CIB3: variants seen among roughly 807,000 people sequenced by gnomAD.
The protein encoded by CIB3 is calcium and integrin binding family member 3.
CIB3 carries 22 observed loss-of-function variants against 23.4 expected under a neutral mutation model. That is an observed-to-expected ratio of 0.94 (90% CI 0.67 to 1.34). The LOEUF is 1.34. Ranked by LOEUF, CIB3 falls within the 40% of genes most tolerant of loss-of-function variation. The pLI, the probability that CIB3 is intolerant of heterozygous loss-of-function variation, is 0.00. For synonymous variants in CIB3, 93 were observed against 95.8 expected, an observed-to-expected ratio of 0.97 and a Z score of 0.17; for missense variants, 258 against 247.3, an observed-to-expected ratio of 1.04 and a Z score of -0.29.
At chr19:16,165,412 A>G (rs1168219329) in intron 4 of CIB3, among the ~76,000 whole-genome samples, 1 of 151,456 alleles carries the variant, frequency 6.6e-6, no homozygotes, top group Non-Finnish European at 1.5e-5. Flanking sequence ...TCATTCATTC[A>G]ACAAGTATTT....
At chr19:16,167,108 C>G (rs1351527492) in intron 4 of CIB3, among the ~76,000 whole-genome samples, 1 of 152,090 alleles carries the variant, frequency 6.6e-6, no homozygotes, top group African/African-American at 2.4e-5. Flanking sequence ...TCAATCTCAG[C>G]TACTCAGCAG....
intron 1 of CIB3, 91 bp from the exon 2 acceptor site, chr19:16,173,287 C>T (rs943115546): frequency 6.3e-6 from 10 of 1,591,446 alleles, no homozygotes; most frequent in Non-Finnish European, 8.6e-6. Flanking sequence ...ACACAGATGG[C>T]CTGATGCTGC....
At chr19:16,173,268 C>A in intron 1 of CIB3, 72 bp from the exon 2 acceptor site, 1 of 1,607,722 alleles carries the variant, frequency 6.2e-7, no homozygotes, top group Non-Finnish European at 8.5e-7. Flanking sequence ...CTCCCTCCAC[C>A]CCACACTCAC....
At chr19:16,172,445 G>A (rs554854175) in intron 2 of CIB3, among the ~76,000 whole-genome samples, 15 of 151,642 alleles carry the variant, frequency 9.9e-5, no homozygotes, top group African/African-American at 2.7e-4. Context: ...ATGAGCCACC[G>A]CGCCCAGCCT....
At chr19:16,166,195 G>T (rs2091305096) in intron 4 of CIB3, among the ~76,000 whole-genome samples, 1 of 152,172 alleles carries the variant, frequency 6.6e-6, no homozygotes, top group Admixed American at 6.5e-5. Flanking sequence ...GTAGGCTGAG[G>T]CAGGAGAATC....
chr19:16,162,390 C>T (rs1423111541), intron 5 of CIB3, among the ~76,000 whole-genome samples: 1 of 152,022 alleles, frequency 6.6e-6, no homozygotes, highest in East Asian at 1.9e-4. Flanking sequence ...TGTGCCACTG[C>T]ACTCCAGCCT....
intron 5 of CIB3, among the ~76,000 whole-genome samples, chr19:16,162,243 CAAAAA>C (rs79329568): frequency 3.8e-5 from 2 of 52,490 alleles, no homozygotes; most frequent in Non-Finnish European, 7.7e-5. Context: ...CTTGTCTCCA[CAAAAA>C]AAAAAAAAAA....
chr19:16,172,352 A>G (rs1017817729), intron 2 of CIB3, among the ~76,000 whole-genome samples: 6 of 151,994 alleles, frequency 3.9e-5, no homozygotes, highest in African/African-American at 1.4e-4. Flanking sequence ...ATGGGGTTTC[A>G]CCATGTTGGC....
At chr19:16,161,818 C>T (rs186453552) in intron 5 of CIB3, among the ~76,000 whole-genome samples, 1 of 151,194 alleles carries the variant, frequency 6.6e-6, no homozygotes, top group African/African-American at 2.4e-5. Flanking sequence ...GCTAGGATTA[C>T]AGGTGCATGA....
chr19:16,162,133 G>A (rs1190927863), intron 5 of CIB3, among the ~76,000 whole-genome samples: 2 of 151,036 alleles, frequency 1.3e-5, no homozygotes, highest in Non-Finnish European at 2.9e-5. Context: ...GTGGCCTGGT[G>A]CAGTGACTCA....
chr19:16,170,682 C>T (rs1179451226), intron 2 of CIB3, among the ~76,000 whole-genome samples: 2 of 151,706 alleles, frequency 1.3e-5, no homozygotes, highest in African/African-American at 2.4e-5. Flanking sequence ...ATTAGCTGGG[C>T]GTGGTGACGG....
chr19:16,168,251 A>C lies in CIB3; in HGVS notation c.232T>G (p.Phe78Val). 6.2e-7 allele frequency: 1 copy of C among 1,613,910 alleles called. No homozygotes were observed. Among genetic ancestry groups the C allele is most frequent in the Non-Finnish European group, 8.5e-7 (1 of 1,179,968 alleles). ...NPFRQRIAQV[F>V]SEDGDGHMTL... ...ATGTGGCCATCCCCATCCTCAGAGA[A>C]TACCTGGGCAATCCTCTGGCGGAAG... Residue 78 changes from phenylalanine (F) to valine (V), a missense_variant, in exon 4 of 6, where the codon TTC (phenylalanine) becomes GTC (valine). Physicochemically the swap from Phe to Val is conservative, Grantham distance 50. Transcript: ENST00000269878.
intron 1 of CIB3, 112 bp from the exon 2 acceptor site, chr19:16,173,308 G>A: frequency 1.9e-6 from 3 of 1,574,252 alleles, no homozygotes; most frequent in Non-Finnish European, 2.6e-6. Flanking sequence ...CACACACAGA[G>A]CAGAACCAGG....
chr19:16,173,333 G>A (rs2091338557), intron 1 of CIB3, 92 bp downstream of exon 1: 3 of 1,555,456 alleles, frequency 1.9e-6, no homozygotes, highest in South Asian at 2.2e-5. Context: ...CAGGCGGACG[G>A]TACACCCAGA....
intron 4 of CIB3, 43 bp downstream of exon 4, chr19:16,168,094 C>A: frequency 3.2e-6 from 5 of 1,567,204 alleles, no homozygotes; most frequent in Non-Finnish European, 3.5e-6. Context: ...TCCCACTCCC[C>A]ACCCCATCCC....
chr19:16,162,357 T>C (rs1386502936), intron 5 of CIB3, among the ~76,000 whole-genome samples: 1 of 149,534 alleles, frequency 6.7e-6, no homozygotes, highest in Admixed American at 6.7e-5. Context: ...GCCCAGGAGG[T>C]AGAGGCTGCA....
At chr19:16,165,518 A>C (rs2091302692) in intron 4 of CIB3, among the ~76,000 whole-genome samples, 2 of 150,820 alleles carry the variant, frequency 1.3e-5, no homozygotes, top group Non-Finnish European at 1.5e-5. Context: ...ATCTCGGCTC[A>C]CTGCAACCTC....
At chr19:16,161,708 T>A (rs12460542) in intron 5 of CIB3, among the ~76,000 whole-genome samples, 1 of 137,646 alleles carries the variant, frequency 7.3e-6, no homozygotes, top group African/African-American at 2.7e-5. Flanking sequence ...GATGGGGTCT[T>A]GCTCTGTCTC....
intron 4 of CIB3, among the ~76,000 whole-genome samples, chr19:16,167,921 G>A (rs149161000): frequency 1.2e-4 from 18 of 152,332 alleles, no homozygotes; most frequent in African/African-American, 4.1e-4. Context: ...CAAAGGCCCA[G>A]AGGCCGAAGA....
Sources: allele counts gnomAD v4.1 joint callset (sites outside exome capture counted in the v4.1 genomes callset), GRCh38; gene constraint gnomAD v4.1.1; transcripts MANE v1.5; gene names NCBI Gene and HGNC (gene_info 2026-07-23, HGNC 2026-07-21).